Variants in CAPN8 observed in about 807,000 individuals in gnomAD.
The protein encoded by CAPN8 is calpain 8, also known as calpain-8.
CAPN8 carries 87 observed loss-of-function variants against 80.9 expected under a neutral mutation model. The ratio of observed to expected loss-of-function variants is 1.07; its 90% confidence interval spans 0.90 to 1.28. The LOEUF is 1.28. Among genes scored for constraint, CAPN8 ranks in the 50% most tolerant of loss-of-function variants. CAPN8 has a pLI of 0.00. For missense variants in CAPN8, 757 were observed against 702.0 expected, an observed-to-expected ratio of 1.08 and a Z score of -0.89; for synonymous variants, 299 against 273.8, an observed-to-expected ratio of 1.09 and a Z score of -0.91.
At chr1:223,633,677 A>T (rs1021391016) in intron 2 of CAPN8, among the ~76,000 whole-genome samples, 4 of 152,222 alleles carry the variant, frequency 2.6e-5, no homozygotes, top group African/African-American at 9.6e-5. Context: ...GAAAAAAAAT[A>T]AAATAAAATC....
Position 223,654,351 on chromosome 1 carries a change from C to T in CAPN8, c.286G>A (p.Asp96Asn). ...QFIVGGATRT[D>N]ICQGGLGDCW... ...TCACCTAGACCACCCTGACAAATGT[C>T]TGTGCGCGTGGCTCCACCAACGATA... The change falls in exon 2 of 21, where the codon GAC (aspartate) becomes AAC (asparagine). Residue 96 changes from aspartate (D) to asparagine (N), a missense_variant. Coordinates refer to ENST00000366872, the MANE Select transcript of CAPN8 (RefSeq NM_001143962.2). 2.6e-6 allele frequency: 4 copies of T among 1,551,708 alleles called. No individual in the cohort carries two copies. The highest frequency in any genetic ancestry group is 2.4e-5 in the East Asian group (1 of 40,922).
At position 223,544,153 on chromosome 1, in the gene CAPN8, G is replaced by T. The variant is rs1656553110; in HGVS notation, c.1943C>A (p.Thr648Asn). The change falls in exon 19 of 21, where the codon ACC becomes AAC. Residue 648 changes from threonine (T) to asparagine (N), a missense_variant. Physicochemically the swap from Thr to Asn is moderately conservative, Grantham distance 65. Coordinates refer to ENST00000366872, the MANE Select transcript of CAPN8 (RefSeq NM_001143962.2). Reference protein sequence around the residue: ...GFTLNSQVQQTIALRYACSKL... With the variant: ...GFTLNSQVQQNIALRYACSKL... ...GCTGCACGCATACCGCAGGGCAATG[G>T]TCTGCTGCACCTGGCTGTTGAGGGT... 1 of 718,130 alleles carries T rather than the reference G, an allele frequency of 1.4e-6. No individual in the cohort carries two copies. Among genetic ancestry groups the T allele is most frequent in the South Asian group, 1.5e-5 (1 of 67,606 alleles). 44.5% of individuals were successfully genotyped at this position (718,130 alleles called of 1,614,324 possible).
chr1:223,615,886 A>C (rs1435199355), intron 10 of CAPN8, 84 bp downstream of exon 10: 3 of 1,487,742 alleles, frequency 2.0e-6, no homozygotes, highest in Non-Finnish European at 1.8e-6. Flanking sequence ...CAGCAATAGG[A>C]AAGATGTGCT....
intron 2 of CAPN8, among the ~76,000 whole-genome samples, chr1:223,642,204 A>G (rs61825227): frequency 0.12 from 17,785 of 152,282 alleles, 1,232 homozygotes; most frequent in Non-Finnish European, 0.15. Flanking sequence ...CCCAAGAAAG[A>G]AAGTCACTAA....
intron 16 of CAPN8, among the ~76,000 whole-genome samples, chr1:223,545,989 A>ATT (rs35357819): frequency 6.6e-4 from 74 of 111,404 alleles, no homozygotes; most frequent in South Asian, 5.5e-3. Flanking sequence ...TACTCCACTA[A>ATT]TTTTTTTTTT....
intron 12 of CAPN8, 98 bp from the exon 13 acceptor site, chr1:223,558,265 T>G (rs1656949641): frequency 2.5e-5 from 10 of 397,212 alleles, no homozygotes. Context: ...CCTGAGAGAT[T>G]GGGCTCGCAC....
chr1:223,655,956 A>G (rs1173285499), intron 1 of CAPN8, among the ~76,000 whole-genome samples: 1 of 152,062 alleles, frequency 6.6e-6, no homozygotes, highest in Non-Finnish European at 1.5e-5. Flanking sequence ...TACTTCATAG[A>G]GGTGAAGAAA....
intron 2 of CAPN8, among the ~76,000 whole-genome samples, chr1:223,634,742 C>A (rs1419779784): frequency 1.3e-5 from 2 of 152,182 alleles, no homozygotes. Flanking sequence ...TATAAAGGCA[C>A]TAATCCCATT....
At chr1:223,646,458 A>C (rs1658195526) in intron 2 of CAPN8, among the ~76,000 whole-genome samples, 2 of 152,212 alleles carry the variant, frequency 1.3e-5, no homozygotes, top group African/African-American at 4.8e-5. Context: ...AGAGGCCTTA[A>C]CACAGCCTGT....
In CAPN8 at chr1:223,541,674, A is replaced by ACATAGCT; in HGVS notation, c.*155_*161dup. ...TCCACTGGGCCCACCGGGTCGGCTT[A>ACATAGCT]CATAGCTCATAGCTCAGTGCTGCTG... On this transcript the variant is annotated 3_prime_UTR_variant, in exon 21 of 21. Coordinates refer to ENST00000366872, the MANE Select transcript of CAPN8 (RefSeq NM_001143962.2). The ACATAGCT allele has an allele frequency of 8.7e-7, 1 of 1,143,706 alleles. No homozygotes were observed. The highest frequency in any genetic ancestry group is 2.8e-4 in the Middle Eastern group (1 of 3,606). 70.8% of individuals were successfully genotyped at this position (1,143,706 alleles called of 1,614,324 possible). A position where few individuals can be genotyped will look rare whatever the true frequency, so the allele number is the denominator to read the frequency against.
intron 1 of CAPN8, among the ~76,000 whole-genome samples, chr1:223,657,196 A>G (rs1658517914): frequency 6.6e-6 from 1 of 152,114 alleles, no homozygotes; most frequent in African/African-American, 2.4e-5. Flanking sequence ...CAACTTAAAG[A>G]GAAAAGTGGC....
intron 2 of CAPN8, among the ~76,000 whole-genome samples, chr1:223,637,757 T>C (rs888452135): frequency 6.6e-6 from 1 of 152,144 alleles, no homozygotes; most frequent in African/African-American, 2.4e-5. Context: ...GATCACCATC[T>C]CTGCCCTTGA....
chr1:223,638,360 G>GGT (rs34370642), intron 2 of CAPN8, among the ~76,000 whole-genome samples: 2,999 of 150,716 alleles, frequency 0.02, 44 homozygotes, highest in African/African-American at 0.03. Context: ...GACTGTATGG[G>GGT]GTGTGTGTGT....
At chr1:223,614,820 T>C (rs1166655900) in intron 10 of CAPN8, among the ~76,000 whole-genome samples, 3 of 152,262 alleles carry the variant, frequency 2.0e-5, no homozygotes, top group African/African-American at 7.2e-5. Flanking sequence ...AAGTGCCTAC[T>C]CAGGTTTTTA....
chr1:223,630,872 C>G (rs192124960), intron 2 of CAPN8, among the ~76,000 whole-genome samples: 1 of 152,242 alleles, frequency 6.6e-6, no homozygotes, highest in Admixed American at 6.5e-5. Flanking sequence ...AAGGCAACTT[C>G]CAAAGGTTGA....
chr1:223,643,885 C>T (rs1658112014), intron 2 of CAPN8, among the ~76,000 whole-genome samples: 1 of 152,146 alleles, frequency 6.6e-6, no homozygotes, highest in African/African-American at 2.4e-5. Flanking sequence ...CTAGTCTGTC[C>T]AGCGCGTACA....
chr1:223,554,418 G>A (rs992368100), intron 13 of CAPN8, among the ~76,000 whole-genome samples: 2 of 152,094 alleles, frequency 1.3e-5, no homozygotes, highest in African/African-American at 2.4e-5. Context: ...CCAGGAGTTC[G>A]ATAGTAGCCT....
chr1:223,543,945 C>T (rs944139482), intron 19 of CAPN8, 122 bp downstream of exon 19: 2 of 628,036 alleles, frequency 3.2e-6, no homozygotes, highest in Non-Finnish European at 5.8e-6. Flanking sequence ...GAAGCCCTGT[C>T]TATCATTTTC....
intron 2 of CAPN8, among the ~76,000 whole-genome samples, chr1:223,652,291 G>A (rs1369529046): frequency 1.3e-5 from 2 of 151,912 alleles, no homozygotes; most frequent in Non-Finnish European, 2.9e-5. Context: ...GCAGTGAGCC[G>A]ATATCGGGCC....
Sources: gnomAD v4.1 joint callset for allele counts (sites outside exome capture counted in the v4.1 genomes callset) on GRCh38, gnomAD v4.1.1 for gene constraint, MANE v1.5 for transcripts, NCBI Gene and HGNC (gene_info 2026-07-23, HGNC 2026-07-21) for gene names.